Variants in C1orf87 observed in about 807,000 individuals in gnomAD.
The protein encoded by C1orf87 is chromosome 1 open reading frame 87.
C1orf87 carries 58 observed loss-of-function variants against 60.5 expected under a neutral mutation model. That is an observed-to-expected ratio of 0.96 (90% CI 0.78 to 1.19). The LOEUF (loss-of-function observed/expected upper bound fraction) is 1.19, where lower values mean the gene tolerates loss of function less well. C1orf87 is among the 50% of genes most tolerant of loss of function. The pLI, the probability that C1orf87 is intolerant of heterozygous loss-of-function variation, is 0.00. For synonymous variants in C1orf87, 236 were observed against 227.4 expected (o/e 1.04, Z -0.34); for missense variants, 673 against 638.6 (o/e 1.05, Z -0.58).
At chr1:60,017,350 C>G (rs1645130743) in intron 8 of C1orf87, among the ~76,000 whole-genome samples, 1 of 152,160 alleles carries the variant, frequency 6.6e-6, no homozygotes, top group South Asian at 2.1e-4. Flanking sequence ...CTTCTAAAAT[C>G]CTCTGGTTGT....
At chr1:60,046,026 A>G (rs1645365119) in intron 3 of C1orf87, among the ~76,000 whole-genome samples, 1 of 152,176 alleles carries the variant, frequency 6.6e-6, no homozygotes, top group Non-Finnish European at 1.5e-5. Flanking sequence ...AATATGAACC[A>G]TATATTGCAA....
At chr1:60,009,460 G>C (rs1366200618) in intron 9 of C1orf87, among the ~76,000 whole-genome samples, 2 of 151,944 alleles carry the variant, frequency 1.3e-5, no homozygotes, top group Non-Finnish European at 2.9e-5. Context: ...GTGGTATTTT[G>C]TATGGCAGCC....
intron 3 of C1orf87, among the ~76,000 whole-genome samples, chr1:60,054,545 C>A (rs1416205571): frequency 6.6e-6 from 1 of 152,184 alleles, no homozygotes; most frequent in Non-Finnish European, 1.5e-5. Context: ...TGCAAAACTC[C>A]TACTCTATGT....
At chr1:60,065,458 G>A (rs1007937950) in intron 2 of C1orf87, among the ~76,000 whole-genome samples, 1 of 151,994 alleles carries the variant, frequency 6.6e-6, no homozygotes, top group Non-Finnish European at 1.5e-5. Context: ...CTCCTGCTCA[G>A]AGACAGCTTC....
At chr1:60,072,516 A>T in intron 2 of C1orf87, 21 bp downstream of exon 2, 1 of 1,536,052 alleles carries the variant, frequency 6.5e-7, no homozygotes. Context: ...CAACATAGAT[A>T]TTTTTCAAAT....
Position 60,033,539 on chromosome 1 carries a change from G to A in C1orf87, c.966C>T (p.Asp322=). The A allele has an allele frequency of 1.9e-6, 3 of 1,613,960 alleles. No homozygotes were observed. The highest frequency in any genetic ancestry group is 1.6e-4 in the Middle Eastern group (1 of 6,062). ...CTTTTCGAAAACTCAGATTGAGATT[G>A]TCTATGTTGAGTCTGCCATTGGTTG... ...LRTTNGRLNI[D]NLNLSFRKED... The change falls in exon 7 of 12, where the codon GAC becomes GAT. Residue 322 remains aspartate (D), a synonymous_variant. Transcript: ENST00000371201.
intron 3 of C1orf87, among the ~76,000 whole-genome samples, chr1:60,044,619 G>C (rs988479070): frequency 6.6e-6 from 1 of 152,086 alleles, no homozygotes; most frequent in African/African-American, 2.4e-5. Context: ...TTGGTGCCTG[G>C]GTTCAGGCCA....
At chr1:60,065,003 TA>T (rs1645532841) in intron 2 of C1orf87, among the ~76,000 whole-genome samples, 1 of 63,872 alleles carries the variant, frequency 1.6e-5, no homozygotes, top group Admixed American at 2.5e-4. Flanking sequence ...ATATAAATAT[TA>T]AATATATATT....
rs1645133196 is a variant in C1orf87, at chr1:60,017,665, T to C, written c.1128-7209A>G. On this transcript the variant is annotated intron_variant, in intron 8 of 11. Coordinates refer to ENST00000371201, the MANE Select transcript of C1orf87 (RefSeq NM_152377.3). ...GTCACACAGAAACATTAAATGCTAA[T>C]TCTGATTTACATGTTCCTGGCCAAG... Among the ~76,000 whole-genome samples the C allele has an allele frequency of 2.6e-5, 4 of 152,350 alleles. No homozygotes were observed. In the South Asian group the frequency reaches 8.3e-4, roughly 32 times the overall value.
chr1:60,068,106 C>A (rs1321039804), intron 2 of C1orf87, among the ~76,000 whole-genome samples: 5 of 152,094 alleles, frequency 3.3e-5, no homozygotes, highest in Non-Finnish European at 7.4e-5. Flanking sequence ...CTGCCCCCAC[C>A]TTTAGCATGC....
chr1:60,001,168 T>TTA lies in C1orf87; in HGVS notation c.1193-13_1193-12insTA. ...CTTTTCATTCTTCCCTGAACAAGAA[T>TTA]AAAAAAAAAAAAAGGAAGGGTTTAG... is the stretch of plus-strand genomic sequence containing the variant. On this transcript the variant is annotated splice_polypyrimidine_tract_variant and intron_variant, in intron 9 of 11. Transcript: ENST00000371201. 2 of 1,290,060 alleles carry TTA rather than the reference T, an allele frequency of 1.6e-6. No individual in the cohort carries two copies. The highest frequency in any genetic ancestry group is 3.0e-5 in the South Asian group (2 of 65,820). The allele number at this position is 1,290,060 out of a possible 1,614,324, so 79.9% of individuals were successfully genotyped here.
At chr1:60,031,981 AACAC>A (rs56139918) in intron 7 of C1orf87, among the ~76,000 whole-genome samples, 57,326 of 149,222 alleles carry the variant, frequency 0.38, 11,161 homozygotes, top group South Asian at 0.51. Flanking sequence ...ATAATATTCA[AACAC>A]ACACACACAC....
At chr1:60,019,944 A>G (rs1645150787) in intron 8 of C1orf87, among the ~76,000 whole-genome samples, 2 of 152,256 alleles carry the variant, frequency 1.3e-5, no homozygotes, top group African/African-American at 4.8e-5. Flanking sequence ...AAAGGGAAGC[A>G]GAGCAAAAAA....
At position 60,019,150 on chromosome 1, in the gene C1orf87, G is replaced by A. The variant is rs534337075; in HGVS notation, c.1127+6251C>T. Among the ~76,000 whole-genome samples the A allele has an allele frequency of 3.3e-5, 5 of 152,232 alleles. No homozygotes were observed. The South Asian group carries it at 1.0e-3, about 32-fold the overall frequency. ...CTGTATTCTCCATGTGTTGAAGGAG[G>A]GGCCTGGTGGCAGGTGATTGGATCA... is the stretch of plus-strand genomic sequence containing the variant. On this transcript the variant is annotated intron_variant, in intron 8 of 11. Transcript: ENST00000371201.
intron 6 of C1orf87, among the ~76,000 whole-genome samples, chr1:60,035,288 A>G (rs536254853): frequency 6.6e-6 from 1 of 152,294 alleles, no homozygotes; most frequent in African/African-American, 2.4e-5. Context: ...GGGGATAAGA[A>G]TTCATGAAGC....
chr1:60,054,354 C>A (rs1036243640), intron 3 of C1orf87, among the ~76,000 whole-genome samples: 2 of 152,166 alleles, frequency 1.3e-5, no homozygotes, highest in African/African-American at 4.8e-5. Flanking sequence ...TTCTTATGAG[C>A]AGAAGATCAC....
chr1:60,046,974 G>C (rs1288782793), intron 3 of C1orf87, among the ~76,000 whole-genome samples: 1 of 152,070 alleles, frequency 6.6e-6, no homozygotes, highest in Admixed American at 6.5e-5. Context: ...TTTTGTAGGT[G>C]GTATATTTTC....
intron 8 of C1orf87, among the ~76,000 whole-genome samples, chr1:60,022,097 T>C (rs78435873): frequency 0.011 from 1,543 of 141,748 alleles, 27 homozygotes; most frequent in African/African-American, 0.037. Context: ...GCAACTCTTA[T>C]AGAGGACTTT....
intron 2 of C1orf87, among the ~76,000 whole-genome samples, chr1:60,070,308 T>A (rs1429629893): frequency 6.6e-6 from 1 of 152,236 alleles, no homozygotes; most frequent in African/African-American, 2.4e-5. Flanking sequence ...CTATCCATTA[T>A]TGATCCATGA....
Sources: gnomAD v4.1 joint callset for allele counts (sites outside exome capture counted in the v4.1 genomes callset) on GRCh38, gnomAD v4.1.1 for gene constraint, MANE v1.5 for transcripts, NCBI Gene and HGNC (gene_info 2026-07-23, HGNC 2026-07-21) for gene names.